The following HOOK3 variants were observed in gnomAD, a reference collection of about 807,000 sequenced individuals.
HOOK3 encodes protein Hook homolog 3.
A neutral mutation model predicts 116.3 loss-of-function variants in HOOK3; 24 were observed. The ratio of observed to expected loss-of-function variants is 0.21; its 90% confidence interval spans 0.15 to 0.29. The LOEUF is 0.29. HOOK3 is among the 10% of genes least tolerant of loss of function. HOOK3 has a pLI of 1.00. For missense variants in HOOK3, 632 were observed against 830.2 expected, an observed-to-expected ratio of 0.76 and a Z score of 2.93; for synonymous variants, 275 against 283.0, an observed-to-expected ratio of 0.97 and a Z score of 0.28.
chr8:42,959,143 G>A (rs192176239), intron 7 of HOOK3, 88 bp from the exon 8 acceptor site: 17 of 812,530 alleles, frequency 2.1e-5, no homozygotes, highest in Non-Finnish European at 3.3e-5. Context: ...AAAGACAGGG[G>A]GGAGATGTTT....
intron 1 of HOOK3, among the ~76,000 whole-genome samples, chr8:42,901,795 T>C (rs1322163882): frequency 6.6e-6 from 1 of 151,642 alleles, no homozygotes; most frequent in East Asian, 2.0e-4. Context: ...CACTGCAACC[T>C]CCACCTCCTG....
At chr8:43,007,763 C>T in intron 17 of HOOK3, 84 bp from the exon 18 acceptor site, 2 of 718,684 alleles carry the variant, frequency 2.8e-6, no homozygotes, top group Admixed American at 2.4e-5. Flanking sequence ...AAGTGTAATC[C>T]AAATATAAGG....
intron 1 of HOOK3, among the ~76,000 whole-genome samples, chr8:42,905,680 A>AGTAAT (rs1218894928): frequency 6.6e-6 from 1 of 152,016 alleles, no homozygotes; most frequent in Non-Finnish European, 1.5e-5. Flanking sequence ...GAAGAATTAC[A>AGTAAT]GTAATACTTG....
intron 17 of HOOK3, 88 bp from the exon 18 acceptor site, chr8:43,007,759 A>G: frequency 3.0e-6 from 2 of 672,388 alleles, no homozygotes; most frequent in South Asian, 2.8e-5. Context: ...ATGCAAGTGT[A>G]ATCCAAATAT....
intron 18 of HOOK3, among the ~76,000 whole-genome samples, chr8:43,009,256 A>G (rs1282967499): frequency 1.3e-5 from 2 of 151,884 alleles, no homozygotes; most frequent in African/African-American, 4.8e-5. Flanking sequence ...AATACAAAAA[A>G]TTAGCCGGGG....
rs772913057 is a variant in HOOK3, at chr8:42,959,287, T to C, written c.588T>C (p.Ala196=). The change falls in exon 8 of 22, where the codon GCT becomes GCC. Residue 196 remains alanine (A), a synonymous_variant. Coordinates refer to ENST00000307602, the MANE Select transcript of HOOK3 (RefSeq NM_032410.4). ...CTTTGTCAGCAAAGGAAGAAATTGC[T>C]CAAAGATGCCATGAACTGGATATGC... ...NEALSAKEEI[A]QRCHELDMQV... 1.9e-6 allele frequency: 3 copies of C among 1,613,522 alleles called. No individual in the cohort carries two copies. In the South Asian group the frequency reaches 3.3e-5, roughly 18 times the overall value.
chr8:42,966,345 G>A, intron 9 of HOOK3, 128 bp from the exon 10 acceptor site: 1 of 878,092 alleles, frequency 1.1e-6, no homozygotes, highest in East Asian at 2.5e-5. Flanking sequence ...TGCAGCTTGT[G>A]GCCACTAACA....
chr8:42,918,898 T>A (rs982465436), intron 2 of HOOK3, among the ~76,000 whole-genome samples: 3 of 152,230 alleles, frequency 2.0e-5, no homozygotes, highest in Non-Finnish European at 4.4e-5. Context: ...AAAACCGCCA[T>A]CGTCATCATG....
In HOOK3 at chr8:42,919,786, A is replaced by G. The variant is rs868259231; in HGVS notation, c.144-5771A>G. Among the ~76,000 whole-genome samples, 6 of 152,180 alleles carry G rather than the reference A, an allele frequency of 3.9e-5. No homozygotes were observed. In the East Asian group the frequency reaches 5.8e-4, roughly 15 times the overall value. On this transcript the variant is annotated intron_variant, in intron 2 of 21. Transcript: ENST00000307602. ...TGAAACCCTGTCTCCACCAAAAAAT[A>G]TGAAAACCAGTCAGGCGTGGCGGTG...
At chr8:42,958,108 AG>A (rs1808468962) in intron 7 of HOOK3, among the ~76,000 whole-genome samples, 1 of 152,204 alleles carries the variant, frequency 6.6e-6, no homozygotes, top group Non-Finnish European at 1.5e-5. Flanking sequence ...CTGGGGTTAC[AG>A]GCGTGAGCCA....
intron 3 of HOOK3, among the ~76,000 whole-genome samples, chr8:42,927,559 C>T (rs1563292932): frequency 1.3e-5 from 2 of 152,100 alleles, no homozygotes; most frequent in East Asian, 3.9e-4. Context: ...CCCGGCCGGC[C>T]CTGTTTTAAT....
At chr8:43,015,894 T>C (rs560902553) in intron 21 of HOOK3, among the ~76,000 whole-genome samples, 123 of 149,812 alleles carry the variant, frequency 8.2e-4, no homozygotes, top group African/African-American at 2.8e-3. Context: ...ATTTTTGTAT[T>C]TTTAGTAGAG....
intron 17 of HOOK3, among the ~76,000 whole-genome samples, chr8:43,004,488 C>A (rs1809437723): frequency 6.6e-6 from 1 of 151,620 alleles, no homozygotes; most frequent in Non-Finnish European, 1.5e-5. Flanking sequence ...CGAGACCAGC[C>A]TGGACAACAT....
In HOOK3 at chr8:42,982,673, A is replaced by T; in HGVS notation, c.1368A>T (p.Ala456=). ...AGGAGTCTTCAGACAGTCTAGCTGC[A>T]GAGATTGTTACACCTGAAATCAGGT... ...GSQESSDSLA[A]EIVTPEIREK... The change falls in exon 14 of 22, where the codon GCA becomes GCT. Residue 456 remains alanine (A), a synonymous_variant. Transcript: ENST00000307602. 6.2e-7 allele frequency: 1 copy of T among 1,612,124 alleles called. No homozygotes were observed. The highest frequency in any genetic ancestry group is 8.5e-7 in the Non-Finnish European group (1 of 1,178,316).
chr8:42,898,677 T>G (rs1563285731), intron 1 of HOOK3, among the ~76,000 whole-genome samples: 1 of 152,210 alleles, frequency 6.6e-6, no homozygotes, highest in Non-Finnish European at 1.5e-5. Context: ...TAATTGAATC[T>G]AAGTAGGGCT....
At chr8:42,982,397 G>A (rs971428245) in intron 13 of HOOK3, among the ~76,000 whole-genome samples, 6 of 151,438 alleles carry the variant, frequency 4.0e-5, no homozygotes, top group Admixed American at 6.6e-5. Flanking sequence ...AGGTAGTAGT[G>A]ATGGTTACAC....
chr8:42,987,669 G>T (rs1809073633), intron 15 of HOOK3, among the ~76,000 whole-genome samples: 1 of 152,152 alleles, frequency 6.6e-6, no homozygotes, highest in Non-Finnish European at 1.5e-5. Context: ...TCACTTTTCT[G>T]CTTGTAAGTT....
At chr8:42,898,831 C>G (rs1807120723) in intron 1 of HOOK3, among the ~76,000 whole-genome samples, 1 of 152,224 alleles carries the variant, frequency 6.6e-6, no homozygotes. Context: ...ATACGCCTAA[C>G]CGTCCAAACG....
At chr8:42,903,300 T>C (rs1181557368) in intron 1 of HOOK3, among the ~76,000 whole-genome samples, 1 of 151,384 alleles carries the variant, frequency 6.6e-6, no homozygotes, top group Non-Finnish European at 1.5e-5. Context: ...TCCTGTATTA[T>C]ATACAAAGAA....
Sources: gnomAD v4.1 joint callset for allele counts (sites outside exome capture counted in the v4.1 genomes callset) on GRCh38, gnomAD v4.1.1 for gene constraint, MANE v1.5 for transcripts, NCBI Gene and HGNC (gene_info 2026-07-23, HGNC 2026-07-21) for gene names.